The following FBXO9 variants were observed in gnomAD, a reference collection of about 807,000 sequenced individuals.
The protein encoded by FBXO9 is F-box protein 9, also known as F-box only protein 9.
In FBXO9, 43 loss-of-function variants were observed where a neutral mutation model predicts 63.7. The observed-to-expected ratio is 0.67, with a 90% CI of 0.53 to 0.87. The LOEUF (loss-of-function observed/expected upper bound fraction) is 0.87, where lower values mean the gene tolerates loss of function less well. Among genes scored for constraint, FBXO9 ranks in the 40% least tolerant of loss-of-function variants. The pLI is 0.00. For synonymous variants in FBXO9, 156 were observed against 171.7 expected (o/e 0.91, Z 0.72); for missense variants, 442 against 533.2 (o/e 0.83, Z 1.68).
intron 1 of FBXO9, chr6:53,068,156 G>C (rs1216580362): frequency 6.6e-6 from 1 of 151,054 alleles, no homozygotes; most frequent in Non-Finnish European, 1.5e-5. Context: ...TACCATCTTT[G>C]GAACCAGTAA....
chr6:53,093,754 G>C (rs1763118244), intron 10 of FBXO9, 131 bp from the exon 11 acceptor site: 5 of 880,148 alleles, frequency 5.7e-6, no homozygotes, highest in Non-Finnish European at 8.6e-6. Context: ...TGGAGCCTTG[G>C]AATTGAGTTT....
intron 7 of FBXO9, among the ~76,000 whole-genome samples, chr6:53,083,651 C>T (rs903621101): frequency 6.6e-6 from 1 of 152,192 alleles, no homozygotes; most frequent in African/African-American, 2.4e-5. Context: ...TTGTATAAGG[C>T]TGTGATGGCC....
intron 6 of FBXO9, 93 bp from the exon 7 acceptor site, chr6:53,082,411 A>G: frequency 1.3e-6 from 1 of 741,808 alleles, no homozygotes; most frequent in South Asian, 1.9e-5. Context: ...GTGTGATTAT[A>G]AATTTCTAGG....
At chr6:53,077,361 T>C (rs1441201595) in intron 4 of FBXO9, among the ~76,000 whole-genome samples, 1 of 148,062 alleles carries the variant, frequency 6.8e-6, no homozygotes, top group Non-Finnish European at 1.5e-5. Context: ...TAGTCCCAGC[T>C]ACTTGGGAGG....
At chr6:53,066,018 C>T (rs1026930272) in intron 1 of FBXO9, 49 of 1,217,644 alleles carry the variant, frequency 4.0e-5, no homozygotes, top group Non-Finnish European at 4.9e-5. Context: ...TCCCCAACCC[C>T]CGCCGAGCTC....
chr6:53,086,907 A>ATTTTTTTTTTT (rs1266885575), intron 7 of FBXO9, among the ~76,000 whole-genome samples: 3 of 152,060 alleles, frequency 2.0e-5, no homozygotes, highest in Non-Finnish European at 2.9e-5. Context: ...AAGCAAAAAA[A>ATTTTTTTTTTT]TTAGCTGGGT....
At chr6:53,070,907 G>A in intron 1 of FBXO9, 150 bp from the exon 2 acceptor site, 2 of 1,268,772 alleles carry the variant, frequency 1.6e-6, no homozygotes, top group East Asian at 5.1e-5. Context: ...AAGGTCTCAA[G>A]TGCCCCCTAC....
At chr6:53,084,661 C>T (rs2127495230) in intron 7 of FBXO9, among the ~76,000 whole-genome samples, 2 of 152,288 alleles carry the variant, frequency 1.3e-5, no homozygotes, top group East Asian at 3.9e-4. Flanking sequence ...GCTTAAAGGG[C>T]TTTACGAACA....
At chr6:53,093,618 G>A (rs1011697467) in intron 10 of FBXO9, 57 bp downstream of exon 10, 1 of 1,282,836 alleles carries the variant, frequency 7.8e-7, no homozygotes, top group African/African-American at 1.5e-5. Context: ...ATGGTTCCTT[G>A]CAGGTTAAAG....
intron 1 of FBXO9, among the ~76,000 whole-genome samples, chr6:53,067,261 C>T (rs771084531): frequency 5.3e-5 from 8 of 152,162 alleles, no homozygotes; most frequent in Non-Finnish European, 1.2e-4. Flanking sequence ...ATAGACATGA[C>T]AGCTGAGGCC....
At chr6:53,090,256 A>G (rs1000875990) in intron 7 of FBXO9, among the ~76,000 whole-genome samples, 16 of 152,226 alleles carry the variant, frequency 1.1e-4, no homozygotes, top group African/African-American at 3.9e-4. Context: ...CAGGCATACA[A>G]GCATGAGAAC....
chr6:53,071,549 A>G (rs1050042101), intron 2 of FBXO9, among the ~76,000 whole-genome samples: 3 of 152,230 alleles, frequency 2.0e-5, no homozygotes, highest in Non-Finnish European at 2.9e-5. Context: ...GAGCACTCAT[A>G]TATTTGGAAG....
chr6:53,075,336 T>C (rs1320204273), intron 3 of FBXO9, among the ~76,000 whole-genome samples: 1 of 150,880 alleles, frequency 6.6e-6, no homozygotes, highest in African/African-American at 2.4e-5. Context: ...ATTTTGTATC[T>C]AGAATGCAAA....
intron 1 of FBXO9, chr6:53,070,803 G>C (rs1002174693): frequency 2.4e-6 from 1 of 417,546 alleles, no homozygotes; most frequent in East Asian, 3.5e-5. Context: ...AAATTTGGCG[G>C]GGGGGAAATG....
intron 12 of FBXO9, among the ~76,000 whole-genome samples, chr6:53,097,300 A>G (rs1376142083): frequency 2.0e-5 from 3 of 152,224 alleles, no homozygotes; most frequent in African/African-American, 7.2e-5. Flanking sequence ...TCTCTGAAGG[A>G]CATCAAAATC....
intron 1 of FBXO9, among the ~76,000 whole-genome samples, chr6:53,066,347 T>C (rs532495659): frequency 2.6e-5 from 4 of 151,700 alleles, no homozygotes; most frequent in African/African-American, 9.7e-5. Flanking sequence ...CGGAGTGGGG[T>C]TGGAGGGTTC....
intron 2 of FBXO9, among the ~76,000 whole-genome samples, chr6:53,072,132 A>G (rs958729739): frequency 7.9e-5 from 12 of 152,154 alleles, no homozygotes; most frequent in African/African-American, 2.4e-4. Flanking sequence ...TCAGAGATCT[A>G]TGTGTAACAG....
chr6:53,070,017 CTT>C (rs1032693222), intron 1 of FBXO9, among the ~76,000 whole-genome samples: 6 of 109,364 alleles, frequency 5.5e-5, no homozygotes, highest in Admixed American at 9.7e-5. Context: ...TTCTTTTTTC[CTT>C]TTTTTTTTTT....
intron 7 of FBXO9, among the ~76,000 whole-genome samples, chr6:53,084,812 A>G (rs1769428779): frequency 6.6e-6 from 1 of 151,818 alleles, no homozygotes; most frequent in African/African-American, 2.4e-5. Context: ...TCCTACATTG[A>G]TCATATAGGA....
Sources: allele counts gnomAD v4.1 joint callset (sites outside exome capture counted in the v4.1 genomes callset), GRCh38; gene constraint gnomAD v4.1.1; transcripts MANE v1.5; gene names NCBI Gene and HGNC (gene_info 2026-07-23, HGNC 2026-07-21).